The following WDR31 variants were observed in gnomAD, a reference collection of about 807,000 sequenced individuals.
WDR31 encodes WD repeat-containing protein 31.
In WDR31, 30 loss-of-function variants were observed where a neutral mutation model predicts 47.3. The observed-to-expected ratio is 0.63, with a 90% confidence interval of 0.47 to 0.86. The LOEUF (loss-of-function observed/expected upper bound fraction) is 0.86, where lower values mean the gene tolerates loss of function less well. Ranked by LOEUF, WDR31 falls within the 40% of genes least tolerant of loss-of-function variation. The pLI, the probability that WDR31 is intolerant of heterozygous loss-of-function variation, is 0.00. For synonymous variants in WDR31, 137 were observed against 159.4 expected (o/e 0.86, Z 1.06); for missense variants, 406 against 442.9 (o/e 0.92, Z 0.75).
At chr9:113,318,939 T>C (rs1383919074) in intron 9 of WDR31, among the ~76,000 whole-genome samples, 1 of 152,376 alleles carries the variant, frequency 6.6e-6, no homozygotes, top group African/African-American at 2.4e-5. Context: ...TACAGCATGA[T>C]GGTGTTCCAT....
chr9:113,324,045 G>A (rs529311783), intron 5 of WDR31, among the ~76,000 whole-genome samples: 2 of 151,082 alleles, frequency 1.3e-5, no homozygotes, highest in South Asian at 2.1e-4. Flanking sequence ...TTTTGGAATT[G>A]TGGTAAATAT....
chr9:113,335,430 C>A (rs1588051710), intron 2 of WDR31, among the ~76,000 whole-genome samples: 2 of 152,138 alleles, frequency 1.3e-5, no homozygotes, highest in East Asian at 3.9e-4. Context: ...GCACCCAGTC[C>A]CCATTTCTTC....
rs942367639 is a variant in WDR31 at position 113,314,909 on chromosome 9, C to A, written c.*1840G>T. The A allele has an allele frequency of 6.6e-6, 1 of 152,304 alleles. No homozygotes were observed. Among genetic ancestry groups the A allele is most frequent in the Non-Finnish European group, 1.5e-5 (1 of 68,130 alleles). 9.4% of individuals were successfully genotyped at this position (152,304 alleles called of 1,614,324 possible). On this transcript the variant is annotated 3_prime_UTR_variant, in exon 11 of 11. Transcript: ENST00000374193. ...GGGATTACAGGTTTGAGCCACTGCGCCTGGCCTTTCCTGGCATTTAAAATA... is the reference window on the plus strand; with the variant it reads ...GGGATTACAGGTTTGAGCCACTGCGACTGGCCTTTCCTGGCATTTAAAATA...
chr9:113,316,891 G>A lies in WDR31; in HGVS notation c.962C>T (p.Ser321Phe). The A allele has an allele frequency of 1.2e-6, 2 of 1,614,018 alleles. No individual in the cohort carries two copies. The highest frequency in any genetic ancestry group is 1.7e-6 in the Non-Finnish European group (2 of 1,179,966). Residue 321 changes from serine to phenylalanine, a missense_variant, in exon 11 of 11, where the codon TCT becomes TTT. Physicochemically the swap from Ser to Phe is radical, Grantham distance 155. Transcript: ENST00000374193. Reference sequence around the variant, plus strand: ...AGTCAAGGGTCCTGATCCATCCAGAGACAAGGTGAAAAGGCAGGCTGGGGG... The same window carrying A: ...AGTCAAGGGTCCTGATCCATCCAGAAACAAGGTGAAAAGGCAGGCTGGGGG... Reference protein sequence around the residue: ...QDTGACLFTLSLDGSGPLTSL... With the variant: ...QDTGACLFTLFLDGSGPLTSL...
At chr9:113,321,490 A>C in intron 8 of WDR31, 21 bp downstream of exon 8, 2 of 1,612,958 alleles carry the variant, frequency 1.2e-6, no homozygotes, top group Non-Finnish European at 1.7e-6. Context: ...AAACACTTTC[A>C]CAGCTGCTCA....
chr9:113,334,677 C>T (rs1045068174), intron 2 of WDR31, among the ~76,000 whole-genome samples: 11 of 143,446 alleles, frequency 7.7e-5, no homozygotes, highest in Non-Finnish European at 1.2e-4. Flanking sequence ...GTAGCTGGGA[C>T]TACAGGCATG....
intron 8 of WDR31, 165 bp downstream of exon 8, chr9:113,321,346 C>T: frequency 1.5e-6 from 1 of 647,758 alleles, no homozygotes; most frequent in Non-Finnish European, 2.7e-6. Flanking sequence ...CTTAATGATC[C>T]ATGGGGCCAA....
At position 113,335,323 on chromosome 9, in the gene WDR31, A is replaced by G. The variant is rs115144413; in HGVS notation, c.-29+965T>C. Among the ~76,000 whole-genome samples the G allele has an allele frequency of 2.2e-3, 332 of 152,306 alleles. 1 individual carries two copies. The highest frequency in any genetic ancestry group is 7.6e-3 in the African/African-American group (314 of 41,554). On this transcript the variant is annotated intron_variant, in intron 2 of 10. Coordinates refer to ENST00000374193, the MANE Select transcript of WDR31 (RefSeq NM_001012361.4). ...ATGAACATTTGCTGGGACCGAAGGA[A>G]CCTAACGAAGGACCAGTCTCAACTA... is the stretch of plus-strand genomic sequence containing the variant.
intron 1 of WDR31, among the ~76,000 whole-genome samples, chr9:113,337,754 C>G (rs758517793): frequency 1.3e-3 from 203 of 152,310 alleles, no homozygotes; most frequent in Non-Finnish European, 1.6e-3. Context: ...GCATGAGCCA[C>G]CGTGCCCAGC....
chr9:113,329,033 AC>A, intron 4 of WDR31, 78 bp from the exon 5 acceptor site: 1 of 1,304,878 alleles, frequency 7.7e-7, no homozygotes, highest in Non-Finnish European at 1.1e-6. Flanking sequence ...TTCTCACCTT[AC>A]TTTCTCCCTC....
intron 4 of WDR31, among the ~76,000 whole-genome samples, chr9:113,330,466 G>A (rs1833572540): frequency 6.6e-6 from 1 of 152,198 alleles, no homozygotes; most frequent in South Asian, 2.1e-4. Context: ...AGCTGTGAGG[G>A]CTATGATAGA....
Position 113,316,763 on chromosome 9 carries a change from C to T in WDR31, c.1090G>A (p.Val364Met). The T allele has an allele frequency of 4.3e-6, 7 of 1,613,980 alleles. No individual in the cohort carries two copies. Among genetic ancestry groups the T allele is most frequent in the Non-Finnish European group, 5.1e-6 (6 of 1,179,924 alleles). Residue 364 changes from valine to methionine, a missense_variant, in exon 11 of 11, where the codon GTG becomes ATG. Coordinates refer to ENST00000374193, the MANE Select transcript of WDR31 (RefSeq NM_001012361.4). The part of the protein sequence containing the change: ...DHSQGLELQE[V>M]AAF ...GTCTCTTGGCCTCAGAATGCTGCCACTTCCTGCAGTTCCAGCCCTTGGCTG... is the reference window on the plus strand; with the variant it reads ...GTCTCTTGGCCTCAGAATGCTGCCATTTCCTGCAGTTCCAGCCCTTGGCTG...
rs1170255600 is a variant in WDR31, at chr9:113,313,653, C to A, written c.*3096G>T. ...GTGTGTGACTTTGGGCAAAGTACTG[C>A]ATGTTTCTAGCCCTCAGCTTCCTCA... is the stretch of plus-strand genomic sequence containing the variant. On this transcript the variant is annotated 3_prime_UTR_variant, in exon 11 of 11. Coordinates refer to ENST00000374193, the MANE Select transcript of WDR31 (RefSeq NM_001012361.4). 6.6e-6 allele frequency: 1 copy of A among 152,214 alleles called. No individual in the cohort carries two copies. Among genetic ancestry groups the A allele is most frequent in the Admixed American group, 6.5e-5 (1 of 15,284 alleles). 9.4% of individuals were successfully genotyped at this position (152,214 alleles called of 1,614,324 possible). A position where few individuals can be genotyped will look rare whatever the true frequency, so the allele number is the denominator to read the frequency against.
rs780834083 is a variant in WDR31, at chr9:113,328,937, A to C, written c.268T>G (p.Trp90Gly). Residue 90 changes from tryptophan (W) to glycine (G), a missense_variant, in exon 5 of 11, where the codon TGG (tryptophan) becomes GGG (glycine). Trp to Gly is a radical substitution (Grantham distance 184). Coordinates refer to ENST00000374193, the MANE Select transcript of WDR31 (RefSeq NM_001012361.4). Reference sequence around the variant, plus strand: ...CTTTTCACCACATTTCCAGTTTTCCAATTATAGGCCACAACTGTCTGAAGA... The same window carrying C: ...CTTTTCACCACATTTCCAGTTTTCCCATTATAGGCCACAACTGTCTGAAGA... The part of the protein sequence containing the change: ...GKDKTVVAYN[W>G]KTGNVVKRFK... 15 of 1,613,958 alleles carry C rather than the reference A, an allele frequency of 9.3e-6. No individual in the cohort carries two copies. Among genetic ancestry groups the C allele is most frequent in the Non-Finnish European group, 1.3e-5 (15 of 1,179,950 alleles).
intron 2 of WDR31, among the ~76,000 whole-genome samples, chr9:113,335,023 A>C (rs901175140): frequency 7.9e-5 from 12 of 152,144 alleles, no homozygotes; most frequent in African/African-American, 2.9e-4. Flanking sequence ...AAGTTCTGAG[A>C]CCAAAAAGTT....
chr9:113,334,905 A>G (rs1482481368), intron 2 of WDR31, among the ~76,000 whole-genome samples: 1 of 151,896 alleles, frequency 6.6e-6, no homozygotes, highest in Non-Finnish European at 1.5e-5. Context: ...GTGGCATTCA[A>G]TCTCAGTTTT....
At chr9:113,326,064 A>C (rs1036222665) in intron 5 of WDR31, among the ~76,000 whole-genome samples, 3 of 152,140 alleles carry the variant, frequency 2.0e-5, no homozygotes, top group Non-Finnish European at 4.4e-5. Flanking sequence ...GGCATGCGCC[A>C]CCACACCTGG....
Position 113,328,911 on chromosome 9 carries a change from C to A in WDR31, c.294G>T (p.Arg98Ser). The A allele has an allele frequency of 1.9e-6, 3 of 1,614,122 alleles. No individual in the cohort carries two copies. The highest frequency in any genetic ancestry group is 3.3e-5 in the Admixed American group (2 of 60,022). The change falls in exon 5 of 11, where the codon AGG (arginine) becomes AGT (serine). Residue 98 changes from arginine (R) to serine (S), a missense_variant. Arg to Ser is a moderately radical substitution (Grantham distance 110). Transcript: ENST00000374193. ...TGATCTCATGTTCATGTCCTTTGAACCTTTTCACCACATTTCCAGTTTTCC... is the reference window on the plus strand; with the variant it reads ...TGATCTCATGTTCATGTCCTTTGAAACTTTTCACCACATTTCCAGTTTTCC... Reference protein sequence around the residue: ...YNWKTGNVVKRFKGHEHEITK... With the variant: ...YNWKTGNVVKSFKGHEHEITK...
At chr9:113,322,741 T>A (rs1198396988) in intron 7 of WDR31, 70 bp downstream of exon 7, 3 of 1,499,704 alleles carry the variant, frequency 2.0e-6, no homozygotes, top group African/African-American at 2.8e-5. Context: ...TCCTGATTTA[T>A]CTCCCGAGCC....
Sources: gnomAD v4.1 joint callset for allele counts (sites outside exome capture counted in the v4.1 genomes callset) on GRCh38, gnomAD v4.1.1 for gene constraint, MANE v1.5 for transcripts, NCBI Gene and HGNC (gene_info 2026-07-23, HGNC 2026-07-21) for gene names.